The following FHIP2A variants were observed in gnomAD, a reference collection of about 807,000 sequenced individuals.
The protein encoded by FHIP2A is FHF complex subunit HOOK interacting protein 2A.
Under a neutral mutation model 93.5 loss-of-function variants are expected in FHIP2A, and 46 were observed. The observed-to-expected ratio is 0.49, with a 90% CI of 0.39 to 0.63. FHIP2A has a LOEUF of 0.63. FHIP2A is among the 20% of genes least tolerant of loss of function. FHIP2A has a pLI of 0.00. For missense variants in FHIP2A, 769 were observed against 909.7 expected (o/e 0.85, Z 1.99); for synonymous variants, 332 against 326.5 (o/e 1.02, Z -0.18).
In FHIP2A at chr10:114,843,024, G is replaced by C. The variant is rs1337964411; in HGVS notation, c.614G>C (p.Gly205Ala). The change falls in exon 6 of 17, where the codon GGA becomes GCA. Residue 205 changes from glycine to alanine, a missense_variant. Gly to Ala is a moderately conservative substitution (Grantham distance 60). Coordinates refer to ENST00000369248, the MANE Select transcript of FHIP2A (RefSeq NM_020940.4). The part of the protein sequence containing the change: ...KGQDSLSTDT[G>A]QSRQPEELSG... ...CAGGATTCCTTGTCAACAGATACAG[G>C]ACAGTCCCGTCAACCAGAGGAACTA... 6.2e-7 allele frequency: 1 copy of C among 1,613,862 alleles called. No homozygotes were observed. Among genetic ancestry groups the C allele is most frequent in the African/African-American group, 1.3e-5 (1 of 74,998 alleles).
intron 13 of FHIP2A, among the ~76,000 whole-genome samples, chr10:114,853,373 T>G (rs1162703677): frequency 6.6e-6 from 1 of 152,178 alleles, no homozygotes; most frequent in East Asian, 1.9e-4. Flanking sequence ...TATCCTATTA[T>G]ATATAACTAA....
chr10:114,865,678 A>C (rs982084016), downstream of FHIP2A, among the ~76,000 whole-genome samples: 1 of 152,164 alleles, frequency 6.6e-6, no homozygotes, highest in African/African-American at 2.4e-5. Context: ...CCTGCTTCAA[A>C]CTGTTAAGAA....
At chr10:114,871,919 A>G (rs1045709165) in intron 16 of FHIP2A, among the ~76,000 whole-genome samples, 13 of 152,212 alleles carry the variant, frequency 8.5e-5, no homozygotes, top group African/African-American at 2.9e-4. Flanking sequence ...ACCAATAAAT[A>G]TATTTTATTG....
At chr10:114,850,901 T>TG in intron 13 of FHIP2A, among the ~76,000 whole-genome samples, 1 of 152,282 alleles carries the variant, frequency 6.6e-6, no homozygotes, top group South Asian at 2.1e-4. Context: ...TAATTTTGTT[T>TG]TTTTGTTTGT....
At chr10:114,843,995 A>G in intron 7 of FHIP2A, 58 bp downstream of exon 7, 1 of 1,358,908 alleles carries the variant, frequency 7.4e-7, no homozygotes, top group East Asian at 2.4e-5. Flanking sequence ...CTACATTTTA[A>G]AATCCATTTC....
rs938838410 is a variant in FHIP2A at position 114,836,239 on chromosome 10, T to G, written c.515T>G (p.Phe172Cys). Reference protein sequence around the residue: ...LKQDPYLVNFFLENKMKSLAS... With the variant: ...LKQDPYLVNFCLENKMKSLAS... ...CAGGACCCCTACCTGGTTAACTTTT[T>G]CCTAGAGGTATGATACACTTTTTAT... Residue 172 changes from phenylalanine to cysteine, a missense_variant, in exon 5 of 17, where the codon TTC becomes TGC. Physicochemically the swap from Phe to Cys is radical, Grantham distance 205. Transcript: ENST00000369248. The G allele has an allele frequency of 1.3e-6, 2 of 1,590,742 alleles. No individual in the cohort carries two copies. Among genetic ancestry groups the G allele is most frequent in the Non-Finnish European group, 1.7e-6 (2 of 1,163,818 alleles).
At chr10:114,837,246 G>A (rs1437476632) in intron 5 of FHIP2A, among the ~76,000 whole-genome samples, 1 of 152,088 alleles carries the variant, frequency 6.6e-6, no homozygotes, top group African/African-American at 2.4e-5. Flanking sequence ...CAGGCGCGAT[G>A]GCTCACACCT....
At chr10:114,855,085 G>A in intron 13 of FHIP2A, 112 bp from the exon 14 acceptor site, 1 of 1,119,156 alleles carries the variant, frequency 8.9e-7, no homozygotes. Context: ...CTGAAGCATA[G>A]CAGACATTCT....
chr10:114,875,852 AAAAAGAAAGAAAGAAAG>A, intron 16 of FHIP2A, among the ~76,000 whole-genome samples: 1 of 147,518 alleles, frequency 6.8e-6, no homozygotes, highest in Non-Finnish European at 1.5e-5. Context: ...AGAAAGAAAG[AAAAAGAAAGAAAGAAAG>A]AGAAAGAAAG....
intron 16 of FHIP2A, among the ~76,000 whole-genome samples, chr10:114,892,371 G>T: frequency 6.6e-6 from 1 of 152,150 alleles, no homozygotes. Flanking sequence ...TGAAGACCGG[G>T]TGCGGTGGCT....
At chr10:114,891,616 T>G (rs2083975321) in intron 16 of FHIP2A, among the ~76,000 whole-genome samples, 1 of 141,028 alleles carries the variant, frequency 7.1e-6, no homozygotes, top group African/African-American at 2.5e-5. Context: ...TGTGTGTGTA[T>G]ATACATATTT....
Position 114,829,586 on chromosome 10 carries a change from AGGGTC to A in FHIP2A, c.46-1265_46-1261del, listed in dbSNP as rs568178690. Among the ~76,000 whole-genome samples, 208 of 152,344 alleles carry A rather than the reference AGGGTC, an allele frequency of 1.4e-3. 4 individuals carry two copies. The highest frequency in any genetic ancestry group is 6.5e-5 in the Admixed American group (1 of 15,310). ...TCTTTACCGAATGCTGTTTATCAGCAGGGTCTTTATGACCTGTATCTTGTGATATC... is the reference window on the plus strand; with the variant it reads ...TCTTTACCGAATGCTGTTTATCAGCATTTATGACCTGTATCTTGTGATATC... On this transcript the variant is annotated intron_variant, in intron 1 of 16. Transcript: ENST00000369248.
chr10:114,831,418 C>T (rs1260904955), intron 2 of FHIP2A, among the ~76,000 whole-genome samples: 1 of 152,008 alleles, frequency 6.6e-6, no homozygotes, highest in Non-Finnish European at 1.5e-5. Flanking sequence ...AAGGATGTCT[C>T]GGGAATGAGA....
chr10:114,882,733 G>C lies in FHIP2A; in HGVS notation c.2193-16757G>C, dbSNP rs145671444. 6.4e-3 allele frequency among the ~76,000 whole-genome samples: 981 copies of C among 152,254 alleles called. 6 individuals carry two copies. Among genetic ancestry groups the C allele is most frequent in the African/African-American group, 0.022 (903 of 41,554 alleles). On this transcript the variant is annotated intron_variant, in intron 16 of 16. Transcript: ENST00000369250. ...ACTAAAAATACAAAAAAATTAGCCA[G>C]GCATGGTGGTATGCACCTGTAGTCC...
intron 16 of FHIP2A, among the ~76,000 whole-genome samples, chr10:114,874,384 TAATTA>T (rs2143014450): frequency 6.6e-6 from 1 of 152,386 alleles, no homozygotes; most frequent in East Asian, 1.9e-4. Context: ...ACAAATCCTG[TAATTA>T]GCTAGTAACT....
intron 16 of FHIP2A, among the ~76,000 whole-genome samples, chr10:114,882,267 G>GT (rs2083920879): frequency 6.6e-6 from 1 of 152,200 alleles, no homozygotes; most frequent in African/African-American, 2.4e-5. Context: ...GTCCCCAGAC[G>GT]TTTCCACTGT....
chr10:114,869,642 C>T (rs543349035), downstream of FHIP2A, among the ~76,000 whole-genome samples: 2 of 152,216 alleles, frequency 1.3e-5, no homozygotes, highest in South Asian at 4.1e-4. Flanking sequence ...TTACATTTTC[C>T]ATAAAATGAT....
At chr10:114,875,696 GAAAA>G (rs1440185337) in intron 16 of FHIP2A, among the ~76,000 whole-genome samples, 1 of 133,986 alleles carries the variant, frequency 7.5e-6, no homozygotes, top group Non-Finnish European at 1.6e-5. Flanking sequence ...TCTGTCGAAA[GAAAA>G]AAAGAAAGAA....
downstream of FHIP2A, among the ~76,000 whole-genome samples, chr10:114,868,129 G>A (rs1327805557): frequency 6.6e-6 from 1 of 151,870 alleles, no homozygotes; most frequent in African/African-American, 2.4e-5. Context: ...TCACTATATT[G>A]CCCAGGCTTA....
Sources: gnomAD v4.1 joint callset for allele counts (sites outside exome capture counted in the v4.1 genomes callset) on GRCh38, gnomAD v4.1.1 for gene constraint, MANE v1.5 for transcripts, NCBI Gene and HGNC (gene_info 2026-07-23, HGNC 2026-07-21) for gene names.